GRIA3: variants seen among roughly 807,000 people sequenced by gnomAD.
The protein encoded by GRIA3 is glutamate ionotropic receptor AMPA type subunit 3.
Under a neutral mutation model 63.0 loss-of-function variants are expected in GRIA3, and 3 were observed. That is an observed-to-expected ratio of 0.05 (90% confidence interval 0.02 to 0.12). GRIA3 has a LOEUF of 0.12. Among genes scored for constraint, GRIA3 ranks in the 10% least tolerant of loss-of-function variants. The pLI is 1.00. For missense variants in GRIA3, 347 were observed against 700.9 expected (o/e 0.50, Z 5.70); for synonymous variants, 274 against 257.9 (o/e 1.06, Z -0.60).
intron 3 of GRIA3, among the ~76,000 whole-genome samples, chrX:123,287,514 C>T (rs1472681142): frequency 8.9e-6 from 1 of 111,853 alleles, no homozygotes; most frequent in East Asian, 2.8e-4. Context: ...ATTTAGAAAA[C>T]CCCATCGTCT....
chrX:123,343,589 AAGACAGAG>A (rs2045023390), intron 4 of GRIA3, among the ~76,000 whole-genome samples: 1 of 107,135 alleles, frequency 9.3e-6, no homozygotes, highest in Non-Finnish European at 1.9e-5. Context: ...GAGAGAGAGA[AAGACAGAG>A]AGAGAGAGAG....
intron 3 of GRIA3, among the ~76,000 whole-genome samples, chrX:123,271,527 A>G (rs1031755514): frequency 1.8e-5 from 2 of 111,901 alleles, no homozygotes; most frequent in African/African-American, 6.5e-5. Context: ...ATTACACCAG[A>G]CCACTGCACA....
Position 123,482,918 on chromosome X carries a change from G to A in GRIA3, c.2559G>A (p.Glu853=), listed in dbSNP as rs748707756. The change falls in exon 15 of 16, where the codon GAG becomes GAA. Residue 853 remains glutamate, a synonymous_variant. Coordinates refer to ENST00000620443, the MANE Select transcript of GRIA3 (RefSeq NM_007325.5). ...AATTCTGTTACAAATCACGGGCAGA[G>A]TCCAAACGCATGAAACTCACAAAGA... ...LIEFCYKSRA[E]SKRMKLTKNT... is the part of the protein sequence containing the mutation. 2.5e-6 allele frequency: 3 copies of A among 1,210,853 alleles called. No individual in the cohort carries two copies. In the South Asian group the frequency reaches 5.3e-5, roughly 21 times the overall value.
chrX:123,365,172 T>C (rs1317481271), intron 5 of GRIA3, among the ~76,000 whole-genome samples: 1 of 111,932 alleles, frequency 8.9e-6, no homozygotes, highest in Non-Finnish European at 1.9e-5. Flanking sequence ...GATCTAATCA[T>C]TTCACATTGT....
At chrX:123,226,398 A>C (rs753967988) in intron 2 of GRIA3, among the ~76,000 whole-genome samples, 4 of 112,123 alleles carry the variant, frequency 3.6e-5, no homozygotes, top group South Asian at 3.7e-4. Context: ...AGGAGATTTT[A>C]AGAACTTCAG....
chrX:123,309,264 G>A (rs914289000), intron 3 of GRIA3, among the ~76,000 whole-genome samples: 1 of 109,985 alleles, frequency 9.1e-6, no homozygotes, highest in Non-Finnish European at 1.9e-5. Flanking sequence ...GCACATGCCT[G>A]TAGTCCCGAG....
intron 11 of GRIA3, among the ~76,000 whole-genome samples, chrX:123,425,749 A>G (rs1284517016): frequency 5.4e-5 from 6 of 111,969 alleles, no homozygotes; most frequent in Non-Finnish European, 9.4e-5. Flanking sequence ...GCAGATTTTC[A>G]AATTCAAAAA....
At chrX:123,213,143 C>T (rs971443656) in intron 2 of GRIA3, among the ~76,000 whole-genome samples, 2 of 111,819 alleles carry the variant, frequency 1.8e-5, no homozygotes, top group African/African-American at 6.5e-5. Flanking sequence ...ATAGTTCCAT[C>T]CTGAACTCCT....
intron 3 of GRIA3, among the ~76,000 whole-genome samples, chrX:123,274,621 C>T (rs1253699797): frequency 8.9e-6 from 1 of 112,165 alleles, no homozygotes; most frequent in Non-Finnish European, 1.9e-5. Flanking sequence ...CATGTTTTGG[C>T]AAATGCCAGC....
intron 2 of GRIA3, among the ~76,000 whole-genome samples, chrX:123,215,314 T>C (rs994664824): frequency 2.7e-5 from 3 of 112,044 alleles, no homozygotes; most frequent in African/African-American, 9.7e-5. Context: ...CTCTCTGACT[T>C]AGTTTTCTCA....
intron 2 of GRIA3, among the ~76,000 whole-genome samples, chrX:123,208,417 T>C (rs1394679052): frequency 8.9e-6 from 1 of 111,915 alleles, no homozygotes; most frequent in Non-Finnish European, 1.9e-5. Context: ...TTTCTGATTT[T>C]AGCCACCTCC....
chrX:123,262,047 G>C (rs2044463117), intron 3 of GRIA3, among the ~76,000 whole-genome samples: 1 of 111,699 alleles, frequency 9.0e-6, no homozygotes, highest in Admixed American at 9.5e-5. Context: ...TTCAGGGTTT[G>C]GGCCTGAAAC....
At chrX:123,331,235 A>G (rs1161088826) in intron 4 of GRIA3, among the ~76,000 whole-genome samples, 2 of 111,966 alleles carry the variant, frequency 1.8e-5, no homozygotes, top group African/African-American at 6.5e-5. Flanking sequence ...TCACTTCATC[A>G]TGGATGATGT....
At chrX:123,245,757 G>A (rs2044355231) in intron 2 of GRIA3, among the ~76,000 whole-genome samples, 1 of 111,912 alleles carries the variant, frequency 8.9e-6, no homozygotes, top group African/African-American at 3.3e-5. Flanking sequence ...TAGAGGAGTT[G>A]GAACAGAAAC....
intron 11 of GRIA3, among the ~76,000 whole-genome samples, chrX:123,419,352 T>C (rs1205164861): frequency 1.9e-5 from 2 of 106,569 alleles, no homozygotes; most frequent in Non-Finnish European, 3.8e-5. Flanking sequence ...GAGATTGCAG[T>C]GAGCCGAGGT....
At chrX:123,465,898 C>T (rs2045831074) in intron 13 of GRIA3, 7 of 612,574 alleles carry the variant, frequency 1.1e-5, no homozygotes, top group South Asian at 2.4e-5. Context: ...AGTGGAATGA[C>T]CAGGTTATTC....
chrX:123,260,774 C>A (rs973619675), intron 3 of GRIA3, among the ~76,000 whole-genome samples: 8 of 109,344 alleles, frequency 7.3e-5, no homozygotes, highest in African/African-American at 2.7e-4. Flanking sequence ...ATACTAAATT[C>A]CCCTGTTTGA....
chrX:123,244,882 C>T (rs192928883), intron 2 of GRIA3, among the ~76,000 whole-genome samples: 201 of 112,670 alleles, frequency 1.8e-3, no homozygotes, highest in Non-Finnish European at 3.1e-3. Flanking sequence ...ATTAACAATT[C>T]ATACACAGAG....
chrX:123,409,809 G>A (rs921535818), intron 10 of GRIA3, among the ~76,000 whole-genome samples: 2 of 111,554 alleles, frequency 1.8e-5, no homozygotes, highest in African/African-American at 6.5e-5. Context: ...GGAATCCAAA[G>A]CCTGATAAAG....
Sources: allele counts gnomAD v4.1 joint callset (sites outside exome capture counted in the v4.1 genomes callset), GRCh38; gene constraint gnomAD v4.1.1; transcripts MANE v1.5; gene names NCBI Gene and HGNC (gene_info 2026-07-23, HGNC 2026-07-21).